Variants in MICAL3 observed in about 807,000 individuals in gnomAD.
The protein encoded by MICAL3 is [F-actin]-monooxygenase MICAL3.
MICAL3 carries 62 observed loss-of-function variants against 207.4 expected under a neutral mutation model. That is an observed-to-expected ratio of 0.30 (90% CI 0.24 to 0.37). The LOEUF is 0.37. MICAL3 is among the 10% of genes least tolerant of loss of function. MICAL3 has a pLI of 1.00. For synonymous variants in MICAL3, 1,077 were observed against 1,069.3 expected, an observed-to-expected ratio of 1.01 and a Z score of -0.14; for missense variants, 2,368 against 2,635.6, an observed-to-expected ratio of 0.90 and a Z score of 2.22.
intron 27 of MICAL3, 69 bp downstream of exon 27, chr22:17,816,620 AC>A: frequency 7.9e-7 from 1 of 1,263,832 alleles, no homozygotes. Flanking sequence ...CCTCTCCTCT[AC>A]CCCACCAAAG....
intron 1 of MICAL3, among the ~76,000 whole-genome samples, chr22:18,016,388 A>G (rs1396505516): frequency 2.0e-5 from 3 of 152,202 alleles, no homozygotes. Flanking sequence ...TTATTCAGGT[A>G]TAATTCACAT....
chr22:17,814,148 G>C (rs1013211040), intron 27 of MICAL3: 9 of 152,144 alleles, frequency 5.9e-5, no homozygotes, highest in African/African-American at 1.9e-4. Context: ...TCCTTCTTCC[G>C]AGGCAGGTCA....
At chr22:17,829,023 T>C (rs1173950271) in intron 21 of MICAL3, among the ~76,000 whole-genome samples, 1 of 152,164 alleles carries the variant, frequency 6.6e-6, no homozygotes, top group African/African-American at 2.4e-5. Flanking sequence ...TATCAGCCCA[T>C]TGTTGGAGCT....
intron 1 of MICAL3, among the ~76,000 whole-genome samples, chr22:17,958,448 G>A (rs145368882): frequency 3.3e-4 from 51 of 152,260 alleles, no homozygotes; most frequent in Middle Eastern, 3.4e-3. Context: ...TTCCTGCTAA[G>A]GTGTCTCCTG....
chr22:17,924,495 C>T (rs751111856), intron 1 of MICAL3, among the ~76,000 whole-genome samples: 46 of 152,092 alleles, frequency 3.0e-4, no homozygotes, highest in Non-Finnish European at 6.2e-4. Context: ...GGAAATATTC[C>T]AAAATCTCAA....
intron 16 of MICAL3, among the ~76,000 whole-genome samples, chr22:17,874,891 G>A (rs1928123965): frequency 6.6e-6 from 1 of 152,058 alleles, no homozygotes; most frequent in Non-Finnish European, 1.5e-5. Flanking sequence ...CATAGGACGT[G>A]AGGTCTGGCG....
At chr22:17,965,183 C>CA (rs370246938) in intron 1 of MICAL3, among the ~76,000 whole-genome samples, 49,913 of 105,176 alleles carry the variant, frequency 0.47, 10,641 homozygotes, top group Middle Eastern at 0.65. Flanking sequence ...ACCCCGTCTC[C>CA]AAAAAAAAAA....
At chr22:18,020,832 T>A (rs1924423573) in intron 1 of MICAL3, among the ~76,000 whole-genome samples, 1 of 151,618 alleles carries the variant, frequency 6.6e-6, no homozygotes, top group African/African-American at 2.4e-5. Flanking sequence ...AAGAATCACT[T>A]GAACCTGGGA....
chr22:17,893,867 A>G lies in MICAL3; in HGVS notation c.1487T>C (p.Ile496Thr), dbSNP rs1226228278. ...CACCAGGCTCTCCATTTCCAGGTGA[A>G]TATCTTTTGTTTCGCCAGTATCATA... ...HLYDTGETKD[I>T]HLEMESLVNS... Residue 496 changes from isoleucine (I) to threonine (T), a missense_variant, in exon 11 of 32, where the codon ATT (isoleucine) becomes ACT (threonine). Ile to Thr is a moderately conservative substitution (Grantham distance 89). Coordinates refer to ENST00000441493, the MANE Select transcript of MICAL3 (RefSeq NM_015241.3). The G allele has an allele frequency of 5.0e-5, 78 of 1,570,442 alleles. No homozygotes were observed. Among genetic ancestry groups the G allele is most frequent in the Non-Finnish European group, 6.4e-5 (74 of 1,156,404 alleles).
rs556742376 is a variant in MICAL3, at chr22:17,958,796, C to T, written c.-74-51910G>A. 3.8e-4 allele frequency among the ~76,000 whole-genome samples: 57 copies of T among 151,930 alleles called. No individual in the cohort carries two copies. In the South Asian group the frequency reaches 9.6e-3, roughly 26 times the overall value. ...TCAGCTCACTGCAACCTCCACCTCC[C>T]GGGTTCAGGTGATTCACCTGCCTCA... is the stretch of plus-strand genomic sequence containing the variant. On this transcript the variant is annotated intron_variant, in intron 1 of 31. Coordinates refer to ENST00000441493, the MANE Select transcript of MICAL3 (RefSeq NM_015241.3).
intron 16 of MICAL3, among the ~76,000 whole-genome samples, chr22:17,879,968 A>C (rs769464602): frequency 2.0e-5 from 3 of 152,224 alleles, no homozygotes; most frequent in Non-Finnish European, 4.4e-5. Flanking sequence ...AAAGACCTGC[A>C]GGTAGGGACA....
intron 29 of MICAL3, among the ~76,000 whole-genome samples, chr22:17,800,359 C>T (rs1339163117): frequency 6.6e-6 from 1 of 152,150 alleles, no homozygotes; most frequent in East Asian, 1.9e-4. Context: ...ATAAAGCAGG[C>T]TGGGCCGGCC....
intron 16 of MICAL3, among the ~76,000 whole-genome samples, chr22:17,881,734 G>C (rs1432606167): frequency 6.6e-6 from 1 of 152,192 alleles, no homozygotes; most frequent in Non-Finnish European, 1.5e-5. Context: ...TGTGATAGTG[G>C]CTGGCACTGC....
At chr22:17,991,352 G>T (rs1921664721) in intron 1 of MICAL3, among the ~76,000 whole-genome samples, 1 of 152,216 alleles carries the variant, frequency 6.6e-6, no homozygotes, top group Admixed American at 6.5e-5. Flanking sequence ...ATTGTCTATA[G>T]CAAGGTAAAT....
chr22:17,960,948 C>G (rs1421246930), intron 1 of MICAL3, among the ~76,000 whole-genome samples: 2 of 152,148 alleles, frequency 1.3e-5, no homozygotes, highest in Admixed American at 6.5e-5. Context: ...GGTGCGGGAC[C>G]TGGTAGGCCA....
chr22:17,959,010 GTTT>G (rs34107784), intron 1 of MICAL3, among the ~76,000 whole-genome samples: 1,994 of 85,866 alleles, frequency 0.023, 52 homozygotes, highest in African/African-American at 0.091. Flanking sequence ...CGGGCCTGGG[GTTT>G]TTTTTTTTTT....
At chr22:17,856,459 C>T (rs1018053359) in intron 19 of MICAL3, among the ~76,000 whole-genome samples, 1 of 152,092 alleles carries the variant, frequency 6.6e-6, no homozygotes, top group African/African-American at 2.4e-5. Flanking sequence ...TCTCTGAGAT[C>T]GCAGAGCCCT....
At position 17,887,150 on chromosome 22, in the gene MICAL3, A is replaced by C. The variant is rs4819644; in HGVS notation, c.2067+20T>G. ...GCTATTCCACATGACCATTCTAGCAATTCCCCAAGTGAATCTCACCTCCTC... is the reference window on the plus strand; with the variant it reads ...GCTATTCCACATGACCATTCTAGCACTTCCCCAAGTGAATCTCACCTCCTC... On this transcript the variant is annotated intron_variant, in intron 15 of 31. Transcript: ENST00000441493. 6.2e-7 allele frequency: 1 copy of C among 1,605,502 alleles called. No individual in the cohort carries two copies.
chr22:17,832,102 G>A lies in MICAL3; in HGVS notation c.2807C>T (p.Ser936Phe). 1 of 1,567,214 alleles carries A rather than the reference G, an allele frequency of 6.4e-7. No individual in the cohort carries two copies. Among genetic ancestry groups the A allele is most frequent in the Admixed American group, 1.9e-5 (1 of 52,358 alleles). Residue 936 changes from serine (S) to phenylalanine (F), a missense_variant, in exon 21 of 32, where the codon TCC (serine) becomes TTC (phenylalanine). This residue lies in a region of MICAL3 where 1,770 missense variants were observed against 1,863.2 expected (regional missense o/e 0.95). Coordinates refer to ENST00000441493, the MANE Select transcript of MICAL3 (RefSeq NM_015241.3). ...TCCCTCCTCCTCCATCTCAGACTCG[G>A]AACTACTGTGAGGAAATAACCACAT... Reference protein sequence around the residue: ...GAEEDVASSSSESEMEEEGEE... With the variant: ...GAEEDVASSSFESEMEEEGEE...
Sources: allele counts gnomAD v4.1 joint callset (sites outside exome capture counted in the v4.1 genomes callset), GRCh38; gene constraint gnomAD v4.1.1; regional missense constraint gnomAD v4.1.1; transcripts MANE v1.5; gene names NCBI Gene and HGNC (gene_info 2026-07-23, HGNC 2026-07-21).